SPAG9: variants seen among roughly 807,000 people sequenced by gnomAD.
SPAG9 encodes the protein sperm associated antigen 9, also known as C-Jun-amino-terminal kinase-interacting protein 4.
In SPAG9, 35 loss-of-function variants were observed where a neutral mutation model predicts 166.5. That is an observed-to-expected ratio of 0.21 (90% CI 0.16 to 0.28). The LOEUF is 0.28. Ranked by LOEUF, SPAG9 falls within the 10% of genes least tolerant of loss-of-function variation. SPAG9 has a pLI of 1.00. For synonymous variants in SPAG9, 534 were observed against 565.5 expected (o/e 0.94, Z 0.79); for missense variants, 1,235 against 1,603.3 (o/e 0.77, Z 3.92).
At chr17:50,982,201 T>A (rs982987328) in intron 25 of SPAG9, among the ~76,000 whole-genome samples, 8 of 152,168 alleles carry the variant, frequency 5.3e-5, no homozygotes, top group African/African-American at 1.7e-4. Flanking sequence ...TCTCAAACAA[T>A]CCTCATATAA....
chr17:51,084,007 A>G (rs2048241010), intron 1 of SPAG9: 1 of 152,146 alleles, frequency 6.6e-6, no homozygotes, highest in South Asian at 2.1e-4. Flanking sequence ...ATTTTTCAGA[A>G]TATTCAAGAT....
chr17:51,043,448 T>A lies in SPAG9; in HGVS notation c.591-1797A>T, dbSNP rs1200568376. Reference sequence around the variant, plus strand: ...ATAGAACCCTGTTCTTTCTTGAAAATGACTGACCCTTATTTTAAATTACAT... The same window carrying A: ...ATAGAACCCTGTTCTTTCTTGAAAAAGACTGACCCTTATTTTAAATTACAT... On this transcript the variant is annotated intron_variant, in intron 4 of 29. Coordinates refer to ENST00000262013, the MANE Select transcript of SPAG9 (RefSeq NM_001130528.3). Among the ~76,000 whole-genome samples, 4 of 152,302 alleles carry A rather than the reference T, an allele frequency of 2.6e-5. No individual in the cohort carries two copies. In the East Asian group the frequency reaches 7.7e-4, roughly 29 times the overall value.
chr17:51,089,661 T>TATATATATAC (rs1426675943), intron 1 of SPAG9, among the ~76,000 whole-genome samples: 31 of 97,852 alleles, frequency 3.2e-4, no homozygotes, highest in Admixed American at 1.7e-3. Flanking sequence ...TATATATATA[T>TATATATATAC]ATACACATAC....
intron 1 of SPAG9, among the ~76,000 whole-genome samples, chr17:51,082,170 A>G (rs1057432962): frequency 1.1e-4 from 16 of 152,018 alleles, no homozygotes; most frequent in African/African-American, 2.7e-4. Flanking sequence ...TAAGGTCAGG[A>G]GTTTGAGACC....
chr17:51,120,802 G>T lies in SPAG9; in HGVS notation c.-146C>A. 1.8e-6 allele frequency: 1 copy of T among 553,840 alleles called. No homozygotes were observed. The highest frequency in any genetic ancestry group is 2.8e-6 in the Non-Finnish European group (1 of 352,110). 34.3% of individuals were successfully genotyped at this position (553,840 alleles called of 1,614,324 possible). ...TGGGGCTGGGCCCGGCGGGGTGGGGGCCGGGGCCGGAGGAGGGGAGGGGTG... is the reference window on the plus strand; with the variant it reads ...TGGGGCTGGGCCCGGCGGGGTGGGGTCCGGGGCCGGAGGAGGGGAGGGGTG... On this transcript the variant is annotated 5_prime_UTR_variant, in exon 1 of 30. Transcript: ENST00000262013. The surrounding 1 kb of genome is among the most constrained non-coding windows in gnomAD (Gnocchi z 4.7).
intron 1 of SPAG9, among the ~76,000 whole-genome samples, chr17:51,097,918 G>A (rs1268216717): frequency 2.0e-5 from 3 of 152,160 alleles, no homozygotes; most frequent in African/African-American, 7.2e-5. Flanking sequence ...GACCTTCAGG[G>A]CTCAAGCAAT....
chr17:51,006,204 T>C lies in SPAG9; in HGVS notation c.1305A>G (p.Ile435Met), dbSNP rs2144019445. Reference protein sequence around the residue: ...NALNIVKNDLIAKVDELTCEK... With the variant: ...NALNIVKNDLMAKVDELTCEK... ...CACAGGTCAGTTCATCCACTTTTGC[T>C]ATCAAATCATTCTTCACTATGTTCA... Residue 435 changes from isoleucine (I) to methionine (M), a missense_variant, in exon 11 of 30, where the codon ATA (isoleucine) becomes ATG (methionine). Ile to Met is a conservative substitution (Grantham distance 10). Transcript: ENST00000262013. 6.2e-7 allele frequency: 1 copy of C among 1,614,202 alleles called. No homozygotes were observed. The highest frequency in any genetic ancestry group is 2.2e-5 in the East Asian group (1 of 44,894).
At chr17:51,035,296 T>C (rs2046543453) in intron 5 of SPAG9, among the ~76,000 whole-genome samples, 1 of 152,218 alleles carries the variant, frequency 6.6e-6, no homozygotes, top group African/African-American at 2.4e-5. Context: ...ATGATTGTAT[T>C]ATGGTTAGTT....
intron 6 of SPAG9, among the ~76,000 whole-genome samples, chr17:51,023,722 T>C (rs1200060581): frequency 6.6e-6 from 1 of 152,190 alleles, no homozygotes; most frequent in Non-Finnish European, 1.5e-5. Flanking sequence ...TGGAGTGCAG[T>C]GGCATAATCT....
chr17:51,020,977 CATTTT>C (rs1487889053), intron 7 of SPAG9, among the ~76,000 whole-genome samples, 176 bp downstream of exon 7: 1 of 152,022 alleles, frequency 6.6e-6, no homozygotes, highest in Non-Finnish European at 1.5e-5. Context: ...GCACAGCTAT[CATTTT>C]TTTTTCAAAT....
At chr17:50,979,038 TAAGAG>T (rs1391063232) in intron 26 of SPAG9, among the ~76,000 whole-genome samples, 9 of 151,870 alleles carry the variant, frequency 5.9e-5, no homozygotes, top group African/African-American at 7.3e-5. Flanking sequence ...ATGTGGGAAA[TAAGAG>T]AAGAGGAGTC....
chr17:51,054,925 C>T (rs534835675), intron 3 of SPAG9, among the ~76,000 whole-genome samples: 25 of 152,126 alleles, frequency 1.6e-4, no homozygotes, highest in Non-Finnish European at 3.5e-4. Context: ...CGTGTCAAGG[C>T]TAACAGGGAA....
chr17:51,026,674 CTTTTT>C (rs35339612), intron 6 of SPAG9, among the ~76,000 whole-genome samples: 3 of 124,220 alleles, frequency 2.4e-5, no homozygotes, highest in African/African-American at 2.9e-5. Flanking sequence ...TTTTTCTTTT[CTTTTT>C]TTTTTTTTTT....
Position 51,014,221 on chromosome 17 carries a change from A to T in SPAG9, c.1213+11T>A, listed in dbSNP as rs746420092. ...AAACAGTATGATATTTCTTCAGATG[A>T]GCTATCATACCTAGTAAATCTGCTC... is the stretch of plus-strand genomic sequence containing the variant. On this transcript the variant is annotated intron_variant, in intron 9 of 29. Transcript: ENST00000262013. The T allele has an allele frequency of 1.9e-6, 3 of 1,587,648 alleles. No individual in the cohort carries two copies. The highest frequency in any genetic ancestry group is 3.7e-5 in the Admixed American group (2 of 53,710).
chr17:51,090,781 C>A (rs1233591517), intron 1 of SPAG9, among the ~76,000 whole-genome samples: 5 of 152,090 alleles, frequency 3.3e-5, no homozygotes, highest in Non-Finnish European at 7.4e-5. Context: ...TAGGTAATAC[C>A]AACATAGGAT....
chr17:51,050,886 T>C (rs1316700198), intron 3 of SPAG9, among the ~76,000 whole-genome samples: 4 of 150,490 alleles, frequency 2.7e-5, no homozygotes, highest in Admixed American at 1.3e-4. Context: ...GGTATGCATA[T>C]TAATTCACAC....
At chr17:51,050,914 G>C (rs1173824532) in intron 3 of SPAG9, among the ~76,000 whole-genome samples, 1 of 146,208 alleles carries the variant, frequency 6.8e-6, no homozygotes, top group African/African-American at 2.5e-5. Context: ...AGTCAATTCA[G>C]CAATAAACAA....
Position 50,998,627 on chromosome 17 carries a change from G to C in SPAG9, c.1665-10C>G. 1 of 1,613,510 alleles carries C rather than the reference G, an allele frequency of 6.2e-7. No homozygotes were observed. The highest frequency in any genetic ancestry group is 1.1e-5 in the South Asian group (1 of 91,046). On this transcript the variant is annotated splice_polypyrimidine_tract_variant and intron_variant, in intron 14 of 29. Coordinates refer to ENST00000262013, the MANE Select transcript of SPAG9 (RefSeq NM_001130528.3). The stretch of plus-strand genomic sequence containing the variant: ...GAAAAGTCGGCTGAAACTAAAAGAA[G>C]ACAGTATGTCTGTGTGTCACATGTA...
intron 2 of SPAG9, among the ~76,000 whole-genome samples, chr17:51,064,450 T>G (rs2047604891): frequency 6.6e-6 from 1 of 152,176 alleles, no homozygotes; most frequent in Admixed American, 6.5e-5. Context: ...TGTTTCTAGC[T>G]CTAGCAGGAT....
Sources: allele counts gnomAD v4.1 joint callset (sites outside exome capture counted in the v4.1 genomes callset), GRCh38; gene constraint gnomAD v4.1.1; non-coding constraint Gnocchi (gnomAD v3.1); transcripts MANE v1.5; gene names NCBI Gene and HGNC (gene_info 2026-07-23, HGNC 2026-07-21).